The following AIG1 variants were observed in gnomAD, a reference collection of about 807,000 sequenced individuals.
The protein encoded by AIG1 is androgen-induced gene 1 protein.
Under a neutral mutation model 31.4 loss-of-function variants are expected in AIG1, and 23 were observed. The ratio of observed to expected loss-of-function variants is 0.73; its 90% CI spans 0.53 to 1.04. AIG1 has a LOEUF of 1.04. Among genes scored for constraint, AIG1 ranks in the 50% least tolerant of loss-of-function variants. The pLI is 0.00. For missense variants in AIG1, 274 were observed against 295.0 expected (o/e 0.93, Z 0.52); for synonymous variants, 100 against 110.5 (o/e 0.90, Z 0.60).
intron 3 of AIG1, among the ~76,000 whole-genome samples, chr6:143,217,252 T>A (rs1398393620): frequency 3.9e-5 from 6 of 152,154 alleles, no homozygotes; most frequent in Admixed American, 3.9e-4. Context: ...TTTTTGTTGT[T>A]GTGTTAATGA....
intron 3 of AIG1, among the ~76,000 whole-genome samples, chr6:143,180,730 T>G (rs557764901): frequency 8.5e-5 from 13 of 152,204 alleles, no homozygotes; most frequent in Non-Finnish European, 1.8e-4. Context: ...GATCTTGGTA[T>G]TCTTATAATC....
Position 143,339,738 on chromosome 6 carries a change from A to G in AIG1, c.*62A>G. ...CATTGAAGACTCCTTCCCCTCGGGCATTGGCAGTGGGGGAGAAAAGGCTTC... is the reference window on the plus strand; with the variant it reads ...CATTGAAGACTCCTTCCCCTCGGGCGTTGGCAGTGGGGGAGAAAAGGCTTC... On this transcript the variant is annotated 3_prime_UTR_variant, in exon 6 of 6. Coordinates refer to ENST00000357847, the MANE Select transcript of AIG1 (RefSeq NM_016108.4). 17 of 1,576,558 alleles carry G rather than the reference A, an allele frequency of 1.1e-5. No individual in the cohort carries two copies. The South Asian group carries it at 1.3e-4, about 12-fold the overall frequency.
At chr6:143,059,754 A>G (rs1776092679), upstream of AIG1, among the ~76,000 whole-genome samples, 1 of 152,140 alleles carries the variant, frequency 6.6e-6, no homozygotes, top group African/African-American at 2.4e-5. Flanking sequence ...ACATCCTCTG[A>G]CTCAGAGACT....
At chr6:143,253,938 T>G (rs1322143785) in intron 3 of AIG1, among the ~76,000 whole-genome samples, 1 of 152,208 alleles carries the variant, frequency 6.6e-6, no homozygotes, top group Non-Finnish European at 1.5e-5. Flanking sequence ...TCTTTTGAAT[T>G]TTTAGATTCA....
chr6:143,254,575 A>C (rs535934536), intron 3 of AIG1, among the ~76,000 whole-genome samples: 22 of 152,058 alleles, frequency 1.4e-4, no homozygotes, highest in Admixed American at 1.2e-3. Context: ...TGACTCATGG[A>C]CTATTGAGTT....
chr6:143,108,386 C>T (rs948186943), intron 1 of AIG1, among the ~76,000 whole-genome samples: 1 of 152,180 alleles, frequency 6.6e-6, no homozygotes, highest in East Asian at 1.9e-4. Context: ...GAAAACATCT[C>T]CTGACCACGA....
intron 4 of AIG1, among the ~76,000 whole-genome samples, chr6:143,308,690 C>T (rs2128705236): frequency 6.6e-6 from 1 of 152,312 alleles, no homozygotes; most frequent in South Asian, 2.1e-4. Flanking sequence ...CCTACCAAAA[C>T]ATCATTTCTG....
chr6:143,188,691 T>C (rs1294324143), intron 3 of AIG1: 3 of 984,780 alleles, frequency 3.0e-6, no homozygotes, highest in Non-Finnish European at 3.6e-6. Flanking sequence ...CCAACCCCTC[T>C]AGAGCTCTCT....
chr6:143,160,633 A>G (rs1300877820), intron 2 of AIG1, among the ~76,000 whole-genome samples: 3 of 152,212 alleles, frequency 2.0e-5, no homozygotes, highest in African/African-American at 7.2e-5. Context: ...GGAAGGTTTC[A>G]GTATCGCTTA....
At chr6:143,182,922 T>C (rs1788868589) in intron 3 of AIG1, among the ~76,000 whole-genome samples, 1 of 152,354 alleles carries the variant, frequency 6.6e-6, no homozygotes, top group East Asian at 1.9e-4. Flanking sequence ...CATTTACTTA[T>C]TTTCTAACTT....
rs9390083 is a variant in AIG1 at position 143,326,528 on chromosome 6, C to A, written c.516-6754C>A. ...AAAAATAAACAGTCCCTCACCCCAC[C>A]GAACTTACACTGTAGAGGGGGAGAA... On this transcript the variant is annotated intron_variant, in intron 4 of 5. Coordinates refer to ENST00000357847, the MANE Select transcript of AIG1 (RefSeq NM_016108.4). The surrounding 1 kb of genome is among the most constrained non-coding windows in gnomAD (Gnocchi z 4.5). Among the ~76,000 whole-genome samples the A allele has an allele frequency of 5.3e-5, 8 of 151,928 alleles. No individual in the cohort carries two copies. The highest frequency in any genetic ancestry group is 1.2e-4 in the Non-Finnish European group (8 of 67,990).
At chr6:143,136,426 T>C (rs1783756127) in intron 1 of AIG1, among the ~76,000 whole-genome samples, 1 of 152,206 alleles carries the variant, frequency 6.6e-6, no homozygotes, top group African/African-American at 2.4e-5. Context: ...ACTTCTTAGA[T>C]ATTTGTTAAA....
In AIG1 at chr6:143,340,243, T is replaced by G. The variant is rs1037061817; in HGVS notation, c.*567T>G. On this transcript the variant is annotated 3_prime_UTR_variant, in exon 6 of 6. Coordinates refer to ENST00000357847, the MANE Select transcript of AIG1 (RefSeq NM_016108.4). ...GCCTGAGTGTATTGCATCTCTTGAT[T>G]TAATCATGTGAAACTTTTCCTAGAT... 6 of 152,190 alleles carry G rather than the reference T, an allele frequency of 3.9e-5. No homozygotes were observed. Among genetic ancestry groups the G allele is most frequent in the African/African-American group, 1.4e-4 (6 of 41,432 alleles). The allele number at this position is 152,190 out of a possible 1,614,324, so 9.4% of individuals were successfully genotyped here.
At chr6:143,281,417 T>A (rs1797334585) in intron 3 of AIG1, among the ~76,000 whole-genome samples, 1 of 152,220 alleles carries the variant, frequency 6.6e-6, no homozygotes, top group South Asian at 2.1e-4. Context: ...TATGCAGTGA[T>A]GATTTTAACT....
chr6:143,203,464 C>T (rs1201290902), intron 3 of AIG1, among the ~76,000 whole-genome samples: 3 of 152,142 alleles, frequency 2.0e-5, no homozygotes, highest in African/African-American at 7.2e-5. Flanking sequence ...TTTCAAGATG[C>T]ATGTAAATTT....
chr6:143,255,638 G>A (rs1224447958), intron 3 of AIG1, among the ~76,000 whole-genome samples: 1 of 152,118 alleles, frequency 6.6e-6, no homozygotes, highest in Non-Finnish European at 1.5e-5. Flanking sequence ...ATAATATGGG[G>A]TCACCCACAT....
intron 1 of AIG1, among the ~76,000 whole-genome samples, chr6:143,070,729 A>G (rs1328959918): frequency 6.6e-6 from 1 of 152,202 alleles, no homozygotes; most frequent in Non-Finnish European, 1.5e-5. Flanking sequence ...ATCTGTTAAC[A>G]CATTAATCCA....
chr6:143,266,631 C>T (rs1162557338), intron 3 of AIG1, among the ~76,000 whole-genome samples: 4 of 151,794 alleles, frequency 2.6e-5, no homozygotes, highest in South Asian at 4.2e-4. Context: ...TCAATTATAC[C>T]CCAGTACTGA....
intron 1 of AIG1, among the ~76,000 whole-genome samples, chr6:143,106,604 C>T (rs1273924932): frequency 6.6e-6 from 1 of 152,152 alleles, no homozygotes; most frequent in Non-Finnish European, 1.5e-5. Context: ...TGATTTCTGC[C>T]AATAAACATT....
Sources: allele counts gnomAD v4.1 joint callset (sites outside exome capture counted in the v4.1 genomes callset), GRCh38; gene constraint gnomAD v4.1.1; non-coding constraint Gnocchi (gnomAD v3.1); transcripts MANE v1.5; gene names NCBI Gene and HGNC (gene_info 2026-07-23, HGNC 2026-07-21).